HHAT: variants seen among roughly 807,000 people sequenced by gnomAD.
HHAT encodes protein-cysteine N-palmitoyltransferase HHAT.
A neutral mutation model predicts 70.8 loss-of-function variants in HHAT; 47 were observed. The observed-to-expected ratio is 0.66, with a 90% CI of 0.53 to 0.85. HHAT has a LOEUF of 0.85. Among genes scored for constraint, HHAT ranks in the 40% least tolerant of loss-of-function variants. The pLI is 0.00. For missense variants in HHAT, 609 were observed against 604.8 expected, an observed-to-expected ratio of 1.01 and a Z score of -0.07; for synonymous variants, 228 against 247.6, an observed-to-expected ratio of 0.92 and a Z score of 0.74.
At chr1:210,451,035 C>T (rs995971036) in intron 7 of HHAT, among the ~76,000 whole-genome samples, 5 of 148,114 alleles carry the variant, frequency 3.4e-5, no homozygotes, top group Middle Eastern at 3.6e-3. Flanking sequence ...TGCAGTGAGC[C>T]GAGATCATGC....
chr1:210,595,012 C>T (rs905536747), intron 10 of HHAT, among the ~76,000 whole-genome samples: 3 of 151,682 alleles, frequency 2.0e-5, no homozygotes, highest in Non-Finnish European at 4.4e-5. Context: ...ATGTGCACAA[C>T]GTGCAGGTTT....
At chr1:210,354,928 T>A (rs1460174813) in intron 2 of HHAT, among the ~76,000 whole-genome samples, 1 of 152,190 alleles carries the variant, frequency 6.6e-6, no homozygotes, top group Non-Finnish European at 1.5e-5. Flanking sequence ...TTGTAAATAA[T>A]TGATATTTTT....
chr1:210,525,081 A>G (rs1351067781), intron 9 of HHAT, among the ~76,000 whole-genome samples: 1 of 151,862 alleles, frequency 6.6e-6, no homozygotes, highest in African/African-American at 2.4e-5. Context: ...TCTTCTGGCC[A>G]CTCAGCAAAC....
chr1:210,595,389 A>C (rs1179177688), intron 10 of HHAT, among the ~76,000 whole-genome samples: 2 of 152,172 alleles, frequency 1.3e-5, no homozygotes, highest in Non-Finnish European at 2.9e-5. Flanking sequence ...GGTTGGTTCC[A>C]AGTCTTTGCT....
Position 210,493,480 on chromosome 1 carries a change from G to T in HHAT, c.1008-19673G>T, listed in dbSNP as rs115191077. On this transcript the variant is annotated intron_variant, in intron 8 of 11. Coordinates refer to ENST00000261458, the MANE Select transcript of HHAT (RefSeq NM_018194.6). ...CCACCCACATTATGGAGGGTAATCT[G>T]CTTTATTCCAGGTCTACTGATTTAA... Among the ~76,000 whole-genome samples, 1,120 of 152,184 alleles carry T rather than the reference G, an allele frequency of 7.4e-3. 10 individuals carry two copies. Among genetic ancestry groups the T allele is most frequent in the African/African-American group, 0.024 (989 of 41,510 alleles).
At chr1:210,655,145 G>A (rs1676110722) in intron 11 of HHAT, among the ~76,000 whole-genome samples, 1 of 152,172 alleles carries the variant, frequency 6.6e-6, no homozygotes, top group South Asian at 2.1e-4. Flanking sequence ...CTTCCCCGGA[G>A]GCCAACAATT....
chr1:210,527,709 G>A (rs926067746), intron 9 of HHAT, among the ~76,000 whole-genome samples: 1 of 152,210 alleles, frequency 6.6e-6, no homozygotes, highest in Non-Finnish European at 1.5e-5. Context: ...TTTCCTTTGA[G>A]CACGTGACAG....
intron 8 of HHAT, among the ~76,000 whole-genome samples, chr1:210,480,258 C>T (rs1033782652): frequency 2.0e-5 from 3 of 152,146 alleles, no homozygotes; most frequent in Admixed American, 6.6e-5. Flanking sequence ...ACCTCACCTC[C>T]GTATTGAAAT....
At chr1:210,492,897 G>C (rs762241604) in intron 8 of HHAT, among the ~76,000 whole-genome samples, 1 of 152,160 alleles carries the variant, frequency 6.6e-6, no homozygotes, top group Non-Finnish European at 1.5e-5. Flanking sequence ...GATGGGTTCA[G>C]ATGCCAAATG....
chr1:210,556,871 T>C (rs1490121564), intron 9 of HHAT, among the ~76,000 whole-genome samples: 6 of 152,214 alleles, frequency 3.9e-5, no homozygotes, highest in African/African-American at 1.2e-4. Flanking sequence ...CATAATCCAA[T>C]ACCACTGGAA....
At chr1:210,562,791 G>T (rs1233911118) in intron 9 of HHAT, among the ~76,000 whole-genome samples, 1 of 147,688 alleles carries the variant, frequency 6.8e-6, no homozygotes, top group African/African-American at 2.5e-5. Context: ...ATTTCCAAAT[G>T]CTATCCCTCC....
chr1:210,523,532 A>G (rs1308791117), intron 9 of HHAT, among the ~76,000 whole-genome samples: 2 of 152,114 alleles, frequency 1.3e-5, no homozygotes, highest in Non-Finnish European at 2.9e-5. Context: ...AGGAATCAGT[A>G]TAATTGTGAA....
chr1:210,502,072 G>T (rs961804721), intron 8 of HHAT, among the ~76,000 whole-genome samples: 1 of 149,344 alleles, frequency 6.7e-6, no homozygotes, highest in South Asian at 2.1e-4. Context: ...GCTTATCAGC[G>T]GTTCATTGTT....
At chr1:210,334,178 ATTTT>A (rs3033354) in intron 1 of HHAT, among the ~76,000 whole-genome samples, 1,335 of 99,984 alleles carry the variant, frequency 0.013, 172 homozygotes, top group African/African-American at 0.033. Flanking sequence ...TTAGCGTGTC[ATTTT>A]TTTTTTTTTT....
chr1:210,423,655 T>A (rs1169670868), intron 7 of HHAT, among the ~76,000 whole-genome samples: 1 of 152,194 alleles, frequency 6.6e-6, no homozygotes, highest in Non-Finnish European at 1.5e-5. Context: ...CGGATTCTCC[T>A]AATGCTTTCT....
At chr1:210,442,350 C>A (rs2093536778) in intron 7 of HHAT, among the ~76,000 whole-genome samples, 1 of 139,528 alleles carries the variant, frequency 7.2e-6, no homozygotes, top group African/African-American at 2.7e-5. Flanking sequence ...ATTTATAGTC[C>A]TTTGGGTATA....
chr1:210,430,287 A>G (rs1267584740), intron 7 of HHAT, among the ~76,000 whole-genome samples: 1 of 151,776 alleles, frequency 6.6e-6, no homozygotes, highest in Non-Finnish European at 1.5e-5. Flanking sequence ...TATTGGAATC[A>G]GCCAAATCTT....
At chr1:210,601,882 T>G (rs1471176485) in intron 10 of HHAT, among the ~76,000 whole-genome samples, 3 of 151,488 alleles carry the variant, frequency 2.0e-5, no homozygotes, top group Non-Finnish European at 2.9e-5. Context: ...AGGCTAGAGA[T>G]AGAAATTTGG....
chr1:210,440,476 G>A (rs1376552342), intron 7 of HHAT, among the ~76,000 whole-genome samples: 1 of 151,762 alleles, frequency 6.6e-6, no homozygotes, highest in Admixed American at 6.6e-5. Flanking sequence ...AGGCTTGGGT[G>A]AGGTAGCTTT....
Sources: allele counts gnomAD v4.1 joint callset (sites outside exome capture counted in the v4.1 genomes callset), GRCh38; gene constraint gnomAD v4.1.1; transcripts MANE v1.5; gene names NCBI Gene and HGNC (gene_info 2026-07-23, HGNC 2026-07-21).